Variants in RECQL observed in about 807,000 individuals in gnomAD.
RECQL encodes the protein RecQ like helicase.
Under a neutral mutation model 75.8 loss-of-function variants are expected in RECQL, and 73 were observed. The ratio of observed to expected loss-of-function variants is 0.96; its 90% CI spans 0.80 to 1.17. The LOEUF is 1.17. RECQL is among the 50% of genes most tolerant of loss of function. The probability of loss-of-function intolerance (pLI) is 0.00; values close to 1 mark genes in which losing one functional copy is unlikely to be tolerated. For synonymous variants in RECQL, 248 were observed against 254.4 expected (o/e 0.97, Z 0.24); for missense variants, 699 against 772.1 (o/e 0.91, Z 1.12).
chr12:21,485,350 GAAAGA>G (rs1282838698), intron 5 of RECQL, among the ~76,000 whole-genome samples: 1 of 130,330 alleles, frequency 7.7e-6, no homozygotes, highest in Non-Finnish European at 1.6e-5. Flanking sequence ...AAAAGAAAAA[GAAAGA>G]AAAGAAAAGA....
At chr12:21,478,036 C>T in intron 6 of RECQL, 67 bp from the exon 7 acceptor site, 1 of 1,450,056 alleles carries the variant, frequency 6.9e-7, no homozygotes, top group Non-Finnish European at 9.3e-7. Context: ...TATCTTTTAA[C>T]ATTATGCAGA....
intron 3 of RECQL, 78 bp from the exon 4 acceptor site, chr12:21,490,456 TAA>T (rs1002735164): frequency 1.7e-5 from 15 of 887,750 alleles, no homozygotes; most frequent in African/African-American, 1.0e-4. Context: ...CAAACATATA[TAA>T]GACTTCTAAT....
chr12:21,491,287 A>G (rs1943406218), intron 3 of RECQL, among the ~76,000 whole-genome samples: 1 of 152,120 alleles, frequency 6.6e-6, no homozygotes, highest in South Asian at 2.1e-4. Flanking sequence ...AAACATGATC[A>G]ATGTTGCTGT....
intron 7 of RECQL, 105 bp downstream of exon 7, chr12:21,477,697 AT>A: frequency 1.2e-6 from 1 of 855,288 alleles, no homozygotes; most frequent in South Asian, 2.3e-5. Context: ...AATGTTAAAA[AT>A]TTTTGTAAGT....
rs371398325 is a variant in RECQL at position 21,483,592 on chromosome 12, T to C, written c.502-18A>G. 68 of 1,533,590 alleles carry C rather than the reference T, an allele frequency of 4.4e-5. No homozygotes were observed. The African/African-American group carries it at 9.0e-4, about 20-fold the overall frequency. The allele number at this position is 1,533,590 out of a possible 1,614,324, so 95.0% of individuals were successfully genotyped here. A position where few individuals can be genotyped will look rare whatever the true frequency, so the allele number is the denominator to read the frequency against. ...ACATGCTCCTATTAAAAGAAAAAAA[T>C]AGACACAATGATAGTAAAACTAAGC... On this transcript the variant is annotated intron_variant, in intron 5 of 14. Coordinates refer to ENST00000444129, the MANE Select transcript of RECQL (RefSeq NM_002907.4).
At chr12:21,480,902 T>C (rs186636030) in intron 6 of RECQL, among the ~76,000 whole-genome samples, 210 of 152,384 alleles carry the variant, frequency 1.4e-3, no homozygotes, top group Non-Finnish European at 2.4e-3. Context: ...CTTTTCTTCC[T>C]GTTCTCCCAG....
rs770134954 is a variant in RECQL, at chr12:21,474,831, T to C, written c.1355+10A>G. 1 of 1,611,148 alleles carries C rather than the reference T, an allele frequency of 6.2e-7. No homozygotes were observed. The highest frequency in any genetic ancestry group is 8.5e-7 in the Non-Finnish European group (1 of 1,177,896). On this transcript the variant is annotated intron_variant, in intron 11 of 14. Coordinates refer to ENST00000444129, the MANE Select transcript of RECQL (RefSeq NM_002907.4). Reference sequence around the variant, plus strand: ...AATTGATAAAAGTTATAAAAAGGTATGTGGCTTACTTGCTTATGTTTTGAC... The same window carrying C: ...AATTGATAAAAGTTATAAAAAGGTACGTGGCTTACTTGCTTATGTTTTGAC...
At position 21,492,578 on chromosome 12, in the gene RECQL, A is replaced by G. The variant is rs993088358; in HGVS notation, c.17-862T>C. ...CCTTGTATCAACCCTTCCCTACATGACTTTGGGTTAGGTTTGGCCACAAGT... is the reference window on the plus strand; with the variant it reads ...CCTTGTATCAACCCTTCCCTACATGGCTTTGGGTTAGGTTTGGCCACAAGT... On this transcript the variant is annotated intron_variant, in intron 2 of 14. Transcript: ENST00000444129. 1.6e-4 allele frequency among the ~76,000 whole-genome samples: 24 copies of G among 152,140 alleles called. No homozygotes were observed. The East Asian group carries it at 4.4e-3, about 28-fold the overall frequency.
chr12:21,471,729 G>GTT (rs773477269), intron 12 of RECQL, 82 bp from the exon 13 acceptor site: 318 of 1,093,186 alleles, frequency 2.9e-4, no homozygotes, highest in Non-Finnish European at 4.3e-4. Context: ...AGTTAAACTG[G>GTT]TTTAAAGCTG....
chr12:21,480,528 T>G (rs78443623), intron 6 of RECQL, among the ~76,000 whole-genome samples: 2 of 152,168 alleles, frequency 1.3e-5, no homozygotes, highest in African/African-American at 4.8e-5. Flanking sequence ...ATTTTTTTTT[T>G]GTCATCTCTA....
Position 21,484,074 on chromosome 12 carries a change from C to T in RECQL, c.502-500G>A, listed in dbSNP as rs1238505382. ...TTTAAATATAAAGACCATGGGGTTTCACAAAGTATCACTCATTAAATTAAG... is the reference window on the plus strand; with the variant it reads ...TTTAAATATAAAGACCATGGGGTTTTACAAAGTATCACTCATTAAATTAAG... On this transcript the variant is annotated intron_variant, in intron 5 of 14. Coordinates refer to ENST00000444129, the MANE Select transcript of RECQL (RefSeq NM_002907.4). Among the ~76,000 whole-genome samples the T allele has an allele frequency of 1.3e-5, 2 of 151,958 alleles. 1 individual carries two copies.
intron 2 of RECQL, among the ~76,000 whole-genome samples, chr12:21,496,524 A>G (rs1366093970): frequency 6.6e-6 from 1 of 152,164 alleles, no homozygotes; most frequent in Non-Finnish European, 1.5e-5. Flanking sequence ...ACATTACACT[A>G]GCTCTCTGCA....
chr12:21,480,958 T>C (rs964566298), intron 6 of RECQL, among the ~76,000 whole-genome samples: 1 of 152,250 alleles, frequency 6.6e-6, no homozygotes, highest in African/African-American at 2.4e-5. Flanking sequence ...CTCCATGATA[T>C]CTTCGTTTTC....
rs140457172 is a variant in RECQL, at chr12:21,483,543, A to T, written c.533T>A (p.Val178Glu). 4.2e-5 allele frequency: 66 copies of T among 1,579,364 alleles called. No homozygotes were observed. The African/African-American group carries it at 9.1e-4, about 22-fold the overall frequency. Residue 178 changes from valine to glutamate, a missense_variant, in exon 6 of 15, where the codon GTA becomes GAA. Val to Glu is a moderately radical substitution (Grantham distance 121). Around this residue, in one of 2 missense-constraint regions of RECQL, gnomAD observed 669 missense variants for 713.5 expected, o/e 0.94. Coordinates refer to ENST00000444129, the MANE Select transcript of RECQL (RefSeq NM_002907.4). ...EHVKWVHAEM[V>E]NKNSELKLIY... ...CAGCTTTAACTCGGAGTTTTTATTT[A>T]CCATTTCAGCATGAACCCATTTAAC...
chr12:21,474,449 G>A (rs1943042886), intron 11 of RECQL, among the ~76,000 whole-genome samples: 1 of 151,988 alleles, frequency 6.6e-6, no homozygotes, highest in Admixed American at 6.6e-5. Flanking sequence ...GAGAAACTTG[G>A]TATTTCATTG....
At chr12:21,477,024 T>G (rs1591975536) in intron 7 of RECQL, 32 bp from the exon 8 acceptor site, 1 of 1,494,108 alleles carries the variant, frequency 6.7e-7, no homozygotes. Flanking sequence ...AAAAAGTAAA[T>G]GAATGAGTAC....
At chr12:21,475,144 T>C (rs1413807807) in intron 10 of RECQL, among the ~76,000 whole-genome samples, 165 bp from the exon 11 acceptor site, 1 of 151,958 alleles carries the variant, frequency 6.6e-6, no homozygotes, top group African/African-American at 2.4e-5. Context: ...AAAAAAACTC[T>C]AAAGAGACAT....
At chr12:21,488,185 T>C (rs113945954) in intron 4 of RECQL, among the ~76,000 whole-genome samples, 2,231 of 152,306 alleles carry the variant, frequency 0.015, 28 homozygotes, top group Middle Eastern at 0.071. Flanking sequence ...ATTAAACTCA[T>C]TGAAACTTAC....
At chr12:21,485,701 A>T (rs1479172321) in intron 5 of RECQL, among the ~76,000 whole-genome samples, 1 of 152,114 alleles carries the variant, frequency 6.6e-6, no homozygotes, top group Non-Finnish European at 1.5e-5. Flanking sequence ...GATGTCTGGA[A>T]TTTGTTCTGA....
Sources: allele counts gnomAD v4.1 joint callset (sites outside exome capture counted in the v4.1 genomes callset), GRCh38; gene constraint gnomAD v4.1.1; regional missense constraint gnomAD v4.1.1; transcripts MANE v1.5; gene names NCBI Gene and HGNC (gene_info 2026-07-23, HGNC 2026-07-21).